The following SGSM2 variants were observed in gnomAD, a reference collection of about 807,000 sequenced individuals.
SGSM2 encodes small G protein signaling modulator 2.
Under a neutral mutation model 126.6 loss-of-function variants are expected in SGSM2, and 89 were observed. The observed-to-expected ratio is 0.70, with a 90% CI of 0.59 to 0.84. The LOEUF is 0.84. Ranked by LOEUF, SGSM2 falls within the 40% of genes least tolerant of loss-of-function variation. The probability of loss-of-function intolerance (pLI) is 0.00; values close to 1 mark genes in which losing one functional copy is unlikely to be tolerated. For synonymous variants in SGSM2, 614 were observed against 574.3 expected (o/e 1.07, Z -0.99); for missense variants, 1,404 against 1,416.6 (o/e 0.99, Z 0.14).
rs1008818684 is a variant in SGSM2, at chr17:2,379,961, G to A, written c.*441G>A. 3 of 1,346,538 alleles carry A rather than the reference G, an allele frequency of 2.2e-6. No homozygotes were observed. In the African/African-American group the frequency reaches 4.4e-5, roughly 20 times the overall value. The allele number at this position is 1,346,538 out of a possible 1,614,324, so 83.4% of individuals were successfully genotyped here. A position where few individuals can be genotyped will look rare whatever the true frequency, so the allele number is the denominator to read the frequency against. On this transcript the variant is annotated 3_prime_UTR_variant, in exon 24 of 24. Transcript: ENST00000268989. ...TGTCCCTTCTGAGGGTCCCTTTGCA[G>A]TCCCAGTATATTGTGCGTGCACCAG...
rs141890015 is a variant in SGSM2, at chr17:2,364,618, G to A, written c.955G>A (p.Val319Met). ...EKSVYWDYAL[V>M]VPFSQVVCIH... ...TAGCGTTTACTGGGACTATGCCCTC[G>A]TGGTGCCCTTCAGCCAGGTCGTGTG... Residue 319 changes from valine to methionine, a missense_variant, in exon 9 of 24, where the codon GTG (valine) becomes ATG (methionine). Coordinates refer to ENST00000268989, the MANE Select transcript of SGSM2 (RefSeq NM_014853.3). 4.6e-5 allele frequency: 75 copies of A among 1,614,080 alleles called. 1 individual carries two copies. The South Asian group carries it at 6.7e-4, about 14-fold the overall frequency.
In SGSM2 at chr17:2,362,100, C is replaced by T. The variant is rs2065334928; in HGVS notation, c.297-9C>T. 1 of 1,608,608 alleles carries T rather than the reference C, an allele frequency of 6.2e-7. No individual in the cohort carries two copies. The highest frequency in any genetic ancestry group is 1.7e-5 in the Admixed American group (1 of 58,840). ...CACTGCACTCCTGGAGCCCTCCCCG[C>T]CTTTGCAGGAAACCCTCAGGGGTCA... On this transcript the variant is annotated splice_polypyrimidine_tract_variant and intron_variant, in intron 3 of 23. Coordinates refer to ENST00000268989, the MANE Select transcript of SGSM2 (RefSeq NM_014853.3). The surrounding 1 kb of genome is among the most constrained non-coding windows in gnomAD (Gnocchi z 4.9).
In SGSM2 at chr17:2,337,588, C is replaced by T; in HGVS notation, c.-101C>T. On this transcript the variant is annotated 5_prime_UTR_variant, in exon 1 of 24. Transcript: ENST00000268989. This position sits in a 1 kb window ranked among gnomAD's most constrained non-coding sequence, Gnocchi z 5.1. Reference sequence around the variant, plus strand: ...GGCGGCGGGCCGGGAGCGCGGCGGGCGGGGGCTCCGCCTTGCGCGTGGGGC... The same window carrying T: ...GGCGGCGGGCCGGGAGCGCGGCGGGTGGGGGCTCCGCCTTGCGCGTGGGGC... The T allele has an allele frequency of 2.6e-6, 2 of 756,768 alleles. No homozygotes were observed. The highest frequency in any genetic ancestry group is 3.4e-6 in the Non-Finnish European group (2 of 593,108). 46.9% of individuals were successfully genotyped at this position (756,768 alleles called of 1,614,324 possible).
In SGSM2 at chr17:2,337,930, CG is replaced by C. The variant is rs1375877532; in HGVS notation, c.57+190del. ...TGGGGGAGGGCAGCGCCCCTCTGCC[CG>C]GGGGACCCGGCCGGCGCTCCCGGCT... On this transcript the variant is annotated intron_variant, in intron 1 of 23. Coordinates refer to ENST00000268989, the MANE Select transcript of SGSM2 (RefSeq NM_014853.3). This position sits in a 1 kb window ranked among gnomAD's most constrained non-coding sequence, Gnocchi z 5.1. 1.3e-5 allele frequency among the ~76,000 whole-genome samples: 2 copies of C among 151,946 alleles called. No individual in the cohort carries two copies. The highest frequency in any genetic ancestry group is 4.8e-5 in the African/African-American group (2 of 41,398).
intron 2 of SGSM2, among the ~76,000 whole-genome samples, chr17:2,353,839 G>A (rs987552030): frequency 2.0e-5 from 3 of 151,928 alleles, no homozygotes; most frequent in African/African-American, 7.3e-5. Context: ...GTCTATGTAC[G>A]AGTCCCACAC....
chr17:2,378,931 CCTCAGCCTCAGCCCCAGCCTCAAT>C, intron 22 of SGSM2, 81 bp from the exon 23 acceptor site: 1 of 1,201,854 alleles, frequency 8.3e-7, no homozygotes, highest in Non-Finnish European at 1.1e-6. Context: ...CCAGCCTCAG[CCTCAGCCTCAGCCCCAGCCTCAAT>C]CCCAGCCTCA....
Position 2,379,469 on chromosome 17 carries a change from G to T in SGSM2, c.3105G>T (p.Arg1035=), listed in dbSNP as rs562940825. Residue 1035 remains arginine, a synonymous_variant, in exon 24 of 24, where the codon CGG becomes CGT. Transcript: ENST00000268989. ...ATCACGATGCCCAGGAGATCCTGCG[G>T]ATTGCCCGGGACCTCGTCCACAAGG... ...AEHHDAQEIL[R]IARDLVHKVQ... is the part of the protein sequence containing the mutation. 23 of 1,613,660 alleles carry T rather than the reference G, an allele frequency of 1.4e-5. No homozygotes were observed. The South Asian group carries it at 2.5e-4, about 18-fold the overall frequency.
At chr17:2,378,383 C>G (rs2066275262) in intron 22 of SGSM2, among the ~76,000 whole-genome samples, 1 of 152,112 alleles carries the variant, frequency 6.6e-6, no homozygotes, top group African/African-American at 2.4e-5. Flanking sequence ...TGAGGCCAGC[C>G]TGGCCAACAT....
At chr17:2,344,136 G>T (rs1413660490) in intron 2 of SGSM2, among the ~76,000 whole-genome samples, 1 of 152,200 alleles carries the variant, frequency 6.6e-6, no homozygotes, top group Non-Finnish European at 1.5e-5. Context: ...GAGCCTGAGC[G>T]TGGGCTAGGA....
rs2066342889 is a variant in SGSM2 at position 2,379,937 on chromosome 17, G to A, written c.*417G>A. The stretch of plus-strand genomic sequence containing the variant: ...CAGAGGGCGAGAGGCTCTGTGCTGT[G>A]TCCCTTCTGAGGGTCCCTTTGCAGT... On this transcript the variant is annotated 3_prime_UTR_variant, in exon 24 of 24. Transcript: ENST00000268989. The A allele has an allele frequency of 3.0e-6, 4 of 1,327,848 alleles. No homozygotes were observed. Among genetic ancestry groups the A allele is most frequent in the Non-Finnish European group, 3.9e-6 (4 of 1,037,074 alleles). 82.3% of individuals were successfully genotyped at this position (1,327,848 alleles called of 1,614,324 possible).
chr17:2,376,492 C>A, intron 19 of SGSM2: 1 of 659,944 alleles, frequency 1.5e-6, no homozygotes, highest in Non-Finnish European at 2.6e-6. Context: ...TTCCCTCATC[C>A]CCGCACCCCC....
At chr17:2,373,124 TG>T in intron 16 of SGSM2, 43 bp downstream of exon 16, 2 of 1,606,866 alleles carry the variant, frequency 1.2e-6, no homozygotes, top group Non-Finnish European at 1.7e-6. Flanking sequence ...GATGGGGAGC[TG>T]GGCCAGGGGA....
Position 2,340,998 on chromosome 17 carries a change from C to T in SGSM2, c.58-2547C>T, listed in dbSNP as rs77778313. ...ACCACTGGTATAATTCTAGGGGTAT[C>T]TGCAGATCCTTCAACCCAAAAATCC... On this transcript the variant is annotated intron_variant, in intron 1 of 23. Transcript: ENST00000268989. Among the ~76,000 whole-genome samples, 46 of 152,358 alleles carry T rather than the reference C, an allele frequency of 3.0e-4. No homozygotes were observed. In the East Asian group the frequency reaches 8.1e-3, roughly 27 times the overall value.
chr17:2,344,896 A>T (rs2064527480), intron 2 of SGSM2, among the ~76,000 whole-genome samples: 1 of 152,120 alleles, frequency 6.6e-6, no homozygotes, highest in Non-Finnish European at 1.5e-5. Flanking sequence ...GTGGGGATTG[A>T]GATGATGTGT....
In SGSM2 at chr17:2,367,524, C is replaced by T. The variant is rs2065652735; in HGVS notation, c.1423+119C>T. The T allele has an allele frequency of 4.3e-6, 5 of 1,155,968 alleles. No homozygotes were observed. In the Admixed American group the frequency reaches 1.2e-4, roughly 27 times the overall value. 71.6% of individuals were successfully genotyped at this position (1,155,968 alleles called of 1,614,324 possible). A position where few individuals can be genotyped will look rare whatever the true frequency, so the allele number is the denominator to read the frequency against. On this transcript the variant is annotated intron_variant, in intron 12 of 23. Transcript: ENST00000268989. This position sits in a 1 kb window ranked among gnomAD's most constrained non-coding sequence, Gnocchi z 4.0. ...GGCATTAGGGGACTTGCACCCAGGG[C>T]AGTTCCCTTCCATCGGGGGCAGATC...
rs770883513 is a variant in SGSM2, at chr17:2,367,409, C to CTT, written c.1423+5_1423+6dup. 6.2e-7 allele frequency: 1 copy of CTT among 1,612,378 alleles called. No individual in the cohort carries two copies. The highest frequency in any genetic ancestry group is 8.5e-7 in the Non-Finnish European group (1 of 1,179,148). On this transcript the variant is annotated splice_donor_region_variant and intron_variant, in intron 12 of 23. Transcript: ENST00000268989. This position sits in a 1 kb window ranked among gnomAD's most constrained non-coding sequence, Gnocchi z 4.0. ...ACAGCTCCCAATCCGATGAAAGGTT[C>CTT]TTATCCCTCCCTCTCCCTGACCCAC...
chr17:2,341,361 G>A (rs186988634), intron 1 of SGSM2, among the ~76,000 whole-genome samples: 13 of 152,326 alleles, frequency 8.5e-5, no homozygotes, highest in African/African-American at 2.9e-4. Context: ...GATTACAGGC[G>A]TGAGCCACCA....
intron 1 of SGSM2, among the ~76,000 whole-genome samples, chr17:2,340,751 A>AT (rs1377282577): frequency 4.6e-5 from 7 of 151,496 alleles, no homozygotes; most frequent in Non-Finnish European, 8.8e-5. Context: ...CGCCCGGCTA[A>AT]TTTTTTGTAT....
chr17:2,371,993 G>T, intron 13 of SGSM2, 197 bp from the exon 14 acceptor site: 1 of 605,258 alleles, frequency 1.7e-6, no homozygotes, highest in African/African-American at 2.0e-5. Context: ...TGGGGGCCAG[G>T]CGGGGGCCCC....
Sources: gnomAD v4.1 joint callset for allele counts (sites outside exome capture counted in the v4.1 genomes callset) on GRCh38, gnomAD v4.1.1 for gene constraint, Gnocchi (gnomAD v3.1) non-coding constraint, MANE v1.5 for transcripts, NCBI Gene and HGNC (gene_info 2026-07-23, HGNC 2026-07-21) for gene names.